The following HCN1 variants were observed in gnomAD, a reference collection of about 807,000 sequenced individuals.
HCN1 encodes hyperpolarization activated cyclic nucleotide gated potassium channel 1, also known as potassium/sodium hyperpolarization-activated cyclic nucleotide-gated channel 1.
Under a neutral mutation model 78.9 loss-of-function variants are expected in HCN1, and 13 were observed. The observed-to-expected ratio is 0.16, with a 90% confidence interval of 0.11 to 0.26. The LOEUF (loss-of-function observed/expected upper bound fraction) is 0.26, where lower values mean the gene tolerates loss of function less well. Among genes scored for constraint, HCN1 ranks in the 10% least tolerant of loss-of-function variants. The pLI is 1.00. For synonymous variants in HCN1, 552 were observed against 455.5 expected (o/e 1.21, Z -2.70); for missense variants, 810 against 1,154.3 (o/e 0.70, Z 4.32).
intron 3 of HCN1, among the ~76,000 whole-genome samples, chr5:45,421,336 A>C (rs146273106): frequency 0.023 from 3,471 of 152,314 alleles, 61 homozygotes; most frequent in Non-Finnish European, 0.032. Flanking sequence ...TGCTGGGATT[A>C]CAGGCGTGAG....
intron 5 of HCN1, among the ~76,000 whole-genome samples, chr5:45,314,085 G>C (rs1373140271): frequency 6.6e-6 from 1 of 152,030 alleles, no homozygotes; most frequent in Non-Finnish European, 1.5e-5. Flanking sequence ...TTGAAATGAA[G>C]GAAAAAAATG....
chr5:45,586,485 G>T (rs538778502), intron 2 of HCN1, among the ~76,000 whole-genome samples: 4 of 152,114 alleles, frequency 2.6e-5, no homozygotes, highest in Non-Finnish European at 4.4e-5. Flanking sequence ...GTGAGGCGAT[G>T]CCTCACCCTA....
At chr5:45,391,104 C>T (rs1369084691) in intron 4 of HCN1, among the ~76,000 whole-genome samples, 1 of 151,888 alleles carries the variant, frequency 6.6e-6, no homozygotes, top group Non-Finnish European at 1.5e-5. Context: ...GACTAAGGTA[C>T]TATGTGGGAG....
chr5:45,349,956 C>G (rs911201850), intron 5 of HCN1, among the ~76,000 whole-genome samples: 9 of 152,174 alleles, frequency 5.9e-5, no homozygotes, highest in Admixed American at 2.6e-4. Flanking sequence ...CAAGGAGGAA[C>G]TGGTACCATT....
At chr5:45,493,758 A>T (rs1327474336) in intron 2 of HCN1, among the ~76,000 whole-genome samples, 7 of 31,460 alleles carry the variant, frequency 2.2e-4, no homozygotes, top group African/African-American at 4.8e-4. Flanking sequence ...ACCTCCCCCC[A>T]CCCCACAACA....
At chr5:45,281,493 C>A (rs1233801077) in intron 6 of HCN1, among the ~76,000 whole-genome samples, 2 of 149,704 alleles carry the variant, frequency 1.3e-5, no homozygotes, top group African/African-American at 4.9e-5. Flanking sequence ...TTTCTTATAG[C>A]AATGCAAGAA....
chr5:45,467,165 C>T (rs371747000), intron 2 of HCN1, among the ~76,000 whole-genome samples: 2 of 152,022 alleles, frequency 1.3e-5, no homozygotes, highest in African/African-American at 4.8e-5. Flanking sequence ...TTCTCTACTT[C>T]TCTGCTTTTC....
At position 45,265,977 on chromosome 5, in the gene HCN1, C is replaced by T. The variant is rs142146127; in HGVS notation, c.1783+1112G>A. 1.1e-4 allele frequency among the ~76,000 whole-genome samples: 16 copies of T among 152,014 alleles called. No individual in the cohort carries two copies. The South Asian group carries it at 3.3e-3, about 32-fold the overall frequency. ...GAAGGTTTCTAGAGGGAGGTGATAT[C>T]TAAACAGAGAGAGGAAGGTTGAGCA... On this transcript the variant is annotated intron_variant, in intron 7 of 7. Transcript: ENST00000303230.
At chr5:45,309,539 C>G (rs907397995) in intron 5 of HCN1, among the ~76,000 whole-genome samples, 1 of 152,064 alleles carries the variant, frequency 6.6e-6, no homozygotes. Context: ...AGGTATGTTC[C>G]TTCAATACCT....
chr5:45,601,656 G>A (rs545671429), intron 2 of HCN1, among the ~76,000 whole-genome samples: 1 of 152,238 alleles, frequency 6.6e-6, no homozygotes, highest in Non-Finnish European at 1.5e-5. Flanking sequence ...CGCTGTCTGA[G>A]CTCCAGTTAT....
chr5:45,341,018 C>T (rs1321508620), intron 5 of HCN1, among the ~76,000 whole-genome samples: 2 of 152,156 alleles, frequency 1.3e-5, no homozygotes, highest in Non-Finnish European at 2.9e-5. Context: ...AACTAGATAA[C>T]ATTTCCTTAA....
intron 1 of HCN1, among the ~76,000 whole-genome samples, chr5:45,665,532 A>C (rs1746023112): frequency 6.6e-6 from 1 of 152,106 alleles, no homozygotes; most frequent in Admixed American, 6.6e-5. Context: ...TCAACAGCTT[A>C]AAAAGCAAAC....
intron 3 of HCN1, among the ~76,000 whole-genome samples, chr5:45,427,748 T>C (rs1198762192): frequency 6.6e-6 from 1 of 152,144 alleles, no homozygotes; most frequent in Non-Finnish European, 1.5e-5. Flanking sequence ...TTGACTATAG[T>C]TATTGATAAC....
chr5:45,422,730 C>T, intron 3 of HCN1, among the ~76,000 whole-genome samples: 1 of 151,994 alleles, frequency 6.6e-6, no homozygotes, highest in East Asian at 1.9e-4. Flanking sequence ...TTTTATTCAC[C>T]ATAATACATC....
intron 5 of HCN1, among the ~76,000 whole-genome samples, chr5:45,321,695 A>T (rs1363470064): frequency 1.3e-5 from 2 of 151,432 alleles, no homozygotes; most frequent in African/African-American, 4.9e-5. Flanking sequence ...CATATTTTAC[A>T]CACATACGTA....
intron 2 of HCN1, chr5:45,575,424 C>T (rs1472488323): frequency 6.6e-6 from 1 of 151,990 alleles, no homozygotes; most frequent in Admixed American, 6.6e-5. Flanking sequence ...ACACCAGGGA[C>T]TGTTGTGGTG....
intron 4 of HCN1, among the ~76,000 whole-genome samples, chr5:45,393,794 C>A (rs1739632272): frequency 6.6e-6 from 1 of 152,182 alleles, no homozygotes; most frequent in African/African-American, 2.4e-5. Context: ...AGGACTGAAT[C>A]TGTCCTATGC....
intron 1 of HCN1, among the ~76,000 whole-genome samples, chr5:45,667,011 A>T (rs1035520541): frequency 6.6e-6 from 1 of 152,036 alleles, no homozygotes; most frequent in Non-Finnish European, 1.5e-5. Flanking sequence ...GATTAAAGCT[A>T]TGAAAAAACA....
At chr5:45,325,929 G>T (rs1178953596) in intron 5 of HCN1, among the ~76,000 whole-genome samples, 1 of 151,384 alleles carries the variant, frequency 6.6e-6, no homozygotes, top group African/African-American at 2.4e-5. Flanking sequence ...TTAAATTACA[G>T]GGGTAAAAAA....
Sources: allele counts gnomAD v4.1 joint callset (sites outside exome capture counted in the v4.1 genomes callset), GRCh38; gene constraint gnomAD v4.1.1; transcripts MANE v1.5; gene names NCBI Gene and HGNC (gene_info 2026-07-23, HGNC 2026-07-21).